KHK: variants seen among roughly 807,000 people sequenced by gnomAD.
KHK encodes the protein ketohexokinase, also known as fructokinase.
In KHK, 37 loss-of-function variants were observed where a neutral mutation model predicts 36.0. That is an observed-to-expected ratio of 1.03 (90% CI 0.79 to 1.35). The LOEUF is 1.35. Among genes scored for constraint, KHK ranks in the 40% most tolerant of loss-of-function variants. KHK has a pLI of 0.00. For missense variants in KHK, 395 were observed against 391.9 expected, an observed-to-expected ratio of 1.01 and a Z score of -0.07; for synonymous variants, 161 against 162.8, an observed-to-expected ratio of 0.99 and a Z score of 0.08.
At chr2:27,095,231 C>T (rs568275323) in intron 3 of KHK, among the ~76,000 whole-genome samples, 12 of 152,304 alleles carry the variant, frequency 7.9e-5, no homozygotes, top group Admixed American at 5.2e-4. Flanking sequence ...ATTATTAAAT[C>T]GTTAATCAGC....
chr2:27,095,974 C>T, intron 3 of KHK, among the ~76,000 whole-genome samples: 1 of 152,268 alleles, frequency 6.6e-6, no homozygotes. Flanking sequence ...AGTCCAGGCA[C>T]ATTCACACAC....
Position 27,099,235 on chromosome 2 carries a change from C to CA in KHK, c.605dup (p.Ser203ValfsTer25). On this transcript the variant is annotated frameshift_variant, in exon 6 of 8. Transcript: ENST00000260598. LOFTEE classifies it high-confidence loss of function. ...AGATGTGGCCAAGCACTTGGGGTTC[C>CA]AGTCAGCAGAGGAAGCCTTGAGGGG... The CA allele has an allele frequency of 1.2e-6, 2 of 1,614,126 alleles. No individual in the cohort carries two copies. Among genetic ancestry groups the CA allele is most frequent in the South Asian group, 1.1e-5 (1 of 91,074 alleles).
intron 3 of KHK, among the ~76,000 whole-genome samples, chr2:27,096,067 C>T (rs977479038): frequency 6.6e-6 from 1 of 152,162 alleles, no homozygotes; most frequent in African/African-American, 2.4e-5. Context: ...CCCAAAGGCC[C>T]GGGCAGATCA....
chr2:27,088,620 A>C (rs1372427236), intron 1 of KHK, among the ~76,000 whole-genome samples: 1 of 151,828 alleles, frequency 6.6e-6, no homozygotes, highest in Non-Finnish European at 1.5e-5. Flanking sequence ...TTCTTTGTAA[A>C]GACATGTTGG....
chr2:27,088,293 G>A (rs1209143528), intron 1 of KHK, among the ~76,000 whole-genome samples: 4 of 151,786 alleles, frequency 2.6e-5, no homozygotes, highest in African/African-American at 9.7e-5. Flanking sequence ...TTGTATAAGG[G>A]ACGGGTTCTC....
At position 27,097,493 on chromosome 2, in the gene KHK, C is replaced by T. The variant is rs764943383; in HGVS notation, c.418-10C>T. 8 of 1,613,276 alleles carry T rather than the reference C, an allele frequency of 5.0e-6. No individual in the cohort carries two copies. The East Asian group carries it at 1.6e-4, about 31-fold the overall frequency. Reference sequence around the variant, plus strand: ...GCCCAGCGGTCCTGAGCTGCCCTGTCCTGTACCAGGGCCGGAACGCATCGG... The same window carrying T: ...GCCCAGCGGTCCTGAGCTGCCCTGTTCTGTACCAGGGCCGGAACGCATCGG... On this transcript the variant is annotated splice_polypyrimidine_tract_variant and intron_variant, in intron 4 of 7. Transcript: ENST00000260598.
intron 1 of KHK, among the ~76,000 whole-genome samples, chr2:27,090,452 C>CTTTTT (rs559420015): frequency 0.013 from 1,430 of 109,802 alleles, no homozygotes; most frequent in Non-Finnish European, 0.018. Flanking sequence ...TTTTTTCTTT[C>CTTTTT]TTTTTTTTTT....
At position 27,099,196 on chromosome 2, in the gene KHK, G is replaced by A; in HGVS notation, c.565G>A (p.Val189Met). Reference sequence around the variant, plus strand: ...CCAGCTTCTCTTCCACTGCCCACAGGTGTTTGTCAGCAAAGATGTGGCCAA... The same window carrying A: ...CCAGCTTCTCTTCCACTGCCCACAGATGTTTGTCAGCAAAGATGTGGCCAA... The part of the protein sequence containing the change: ...LFQLFGYGDV[V>M]FVSKDVAKHL... Residue 189 changes from valine to methionine, a missense_variant and splice_region_variant, in exon 6 of 8, where the codon GTG becomes ATG. Physicochemically the swap from Val to Met is conservative, Grantham distance 21. Coordinates refer to ENST00000260598, the MANE Select transcript of KHK (RefSeq NM_006488.3). The A allele has an allele frequency of 6.2e-7, 1 of 1,614,142 alleles. No individual in the cohort carries two copies. The highest frequency in any genetic ancestry group is 1.1e-5 in the South Asian group (1 of 91,076).
At chr2:27,088,798 C>A (rs1433842672) in intron 1 of KHK, among the ~76,000 whole-genome samples, 1 of 152,098 alleles carries the variant, frequency 6.6e-6, no homozygotes, top group Non-Finnish European at 1.5e-5. Context: ...TTCTGTGGGG[C>A]GGGACACTAG....
rs200086908 is a variant in KHK at position 27,094,935 on chromosome 2, G to A, written c.344+1G>A. On this transcript the variant is annotated splice_donor_variant, in intron 3 of 7. Transcript: ENST00000260598. LOFTEE classifies it high-confidence loss of function. ...ACCGTACCATTGTGCTCCATGACAC[G>A]TAAGGCCCCCGGGCCTCGCCCTGCT... 4.3e-5 allele frequency: 69 copies of A among 1,613,832 alleles called. No homozygotes were observed. Among genetic ancestry groups the A allele is most frequent in the Non-Finnish European group, 5.6e-5 (66 of 1,180,038 alleles).
At position 27,099,571 on chromosome 2, in the gene KHK, T is replaced by C; in HGVS notation, c.805T>C (p.Ser269Pro). 1.9e-6 allele frequency: 3 copies of C among 1,614,108 alleles called. No individual in the cohort carries two copies. The highest frequency in any genetic ancestry group is 2.5e-6 in the Non-Finnish European group (3 of 1,180,002). Residue 269 changes from serine to proline, a missense_variant, in exon 7 of 8, where the codon TCC (serine) becomes CCC (proline). Coordinates refer to ENST00000260598, the MANE Select transcript of KHK (RefSeq NM_006488.3). ...CAATGCCTCCGTCATCTTCAGCCTC[T>C]CCCAGGGTGAGTATGGCAGCAGGAG... ...TFNASVIFSL[S>P]QGRSVQEALR...
chr2:27,099,372 G>C, intron 6 of KHK, 48 bp from the exon 7 acceptor site: 1 of 1,611,896 alleles, frequency 6.2e-7, no homozygotes, highest in Non-Finnish European at 8.5e-7. Context: ...GAGGATGGCT[G>C]GGGGGACGGG....
Position 27,097,385 on chromosome 2 carries a change from T to C in KHK, c.418-118T>C, listed in dbSNP as rs1331732034. 4.5e-6 allele frequency: 6 copies of C among 1,341,790 alleles called. No homozygotes were observed. The East Asian group carries it at 1.4e-4, about 31-fold the overall frequency. 83.1% of individuals were successfully genotyped at this position (1,341,790 alleles called of 1,614,324 possible). ...AATGTTGTAATTTAGGATGGGGTTC[T>C]AGCCCAGCCTCCCCGAGGCCCTCTC... On this transcript the variant is annotated intron_variant, in intron 4 of 7. Transcript: ENST00000260598.
Position 27,087,235 on chromosome 2 carries a change from G to A in KHK, c.-25G>A, listed in dbSNP as rs996111461. ...CGGGAGGAACCCCGTCAGCCGGGCGGGCAGGAAGCTCTGGGAGTAGCCTCA... is the reference window on the plus strand; with the variant it reads ...CGGGAGGAACCCCGTCAGCCGGGCGAGCAGGAAGCTCTGGGAGTAGCCTCA... On this transcript the variant is annotated 5_prime_UTR_variant, in exon 1 of 8. Transcript: ENST00000260598. 29 of 1,560,496 alleles carry A rather than the reference G, an allele frequency of 1.9e-5. No individual in the cohort carries two copies. The highest frequency in any genetic ancestry group is 2.3e-5 in the Non-Finnish European group (26 of 1,149,760).
chr2:27,093,510 G>C (rs774966325), intron 2 of KHK, among the ~76,000 whole-genome samples: 1 of 152,184 alleles, frequency 6.6e-6, no homozygotes, highest in South Asian at 2.1e-4. Flanking sequence ...ACTGGGGTGC[G>C]AAAGTTATTT....
At position 27,099,440 on chromosome 2, in the gene KHK, G is replaced by A. The variant is rs980080107; in HGVS notation, c.674G>A (p.Trp225Ter). ...TGCAGGGCTGTGCTTGTCTGTGCCT[G>A]GGCTGAGGAGGGCGCCGACGCCCTG... ...VRKGAVLVCA[W>*]AEEGADALGP... Residue 225 changes from tryptophan to a stop codon, truncating the protein, a stop_gained, in exon 7 of 8, where the codon TGG becomes TAG. Coordinates refer to ENST00000260598, the MANE Select transcript of KHK (RefSeq NM_006488.3). LOFTEE classifies it high-confidence loss of function. The A allele has an allele frequency of 5.0e-6, 8 of 1,613,860 alleles. No homozygotes were observed. The highest frequency in any genetic ancestry group is 5.9e-6 in the Non-Finnish European group (7 of 1,179,912).
At chr2:27,093,509 C>T (rs549177702) in intron 2 of KHK, among the ~76,000 whole-genome samples, 21 of 152,240 alleles carry the variant, frequency 1.4e-4, no homozygotes, top group Non-Finnish European at 1.9e-4. Context: ...CACTGGGGTG[C>T]GAAAGTTATT....
chr2:27,092,295 CT>C, intron 1 of KHK, 36 bp from the exon 2 acceptor site: 1 of 1,523,914 alleles, frequency 6.6e-7, no homozygotes, highest in Non-Finnish European at 9.1e-7. Flanking sequence ...TGGGATCAGC[CT>C]GCTGGGGCTG....
chr2:27,096,737 C>T lies in KHK; in HGVS notation c.353C>T (p.Pro118Leu). The T allele has an allele frequency of 1.2e-6, 2 of 1,613,874 alleles. No individual in the cohort carries two copies. The highest frequency in any genetic ancestry group is 1.1e-5 in the South Asian group (1 of 91,082). The change falls in exon 4 of 8, where the codon CCA becomes CTA. Residue 118 changes from proline to leucine, a missense_variant. Coordinates refer to ENST00000260598, the MANE Select transcript of KHK (RefSeq NM_006488.3). ...RTIVLHDTSL[P>L]DVSATDFEKV... ...TCCATCCTGTGACCTAGGAGCCTGC[C>T]AGATGTGTCTGCTACAGACTTTGAG...
Sources: gnomAD v4.1 joint callset for allele counts (sites outside exome capture counted in the v4.1 genomes callset) on GRCh38, gnomAD v4.1.1 for gene constraint, MANE v1.5 for transcripts, NCBI Gene and HGNC (gene_info 2026-07-23, HGNC 2026-07-21) for gene names.